The following COL24A1 variants were observed in gnomAD, a reference collection of about 807,000 sequenced individuals.
The protein encoded by COL24A1 is collagen alpha-1(XXIV) chain.
A neutral mutation model predicts 253.9 loss-of-function variants in COL24A1; 224 were observed. The ratio of observed to expected loss-of-function variants is 0.88; its 90% CI spans 0.79 to 0.99. The LOEUF is 0.99. COL24A1 is among the 50% of genes least tolerant of loss of function. The pLI is 0.00. For missense variants in COL24A1, 2,131 were observed against 2,068.5 expected (o/e 1.03, Z -0.59); for synonymous variants, 685 against 673.7 (o/e 1.02, Z -0.26).
intron 19 of COL24A1, among the ~76,000 whole-genome samples, chr1:85,997,077 A>ATATATATATATATATATATATATC (rs1694887579): frequency 7.6e-6 from 1 of 131,822 alleles, no homozygotes; most frequent in Non-Finnish European, 1.6e-5. Flanking sequence ...ATATATATAT[A>ATATATATATATATATATATATATC]TATACCAGTT....
intron 19 of COL24A1, among the ~76,000 whole-genome samples, chr1:86,012,617 A>G (rs948482849): frequency 3.6e-5 from 5 of 138,566 alleles, no homozygotes; most frequent in Admixed American, 7.1e-5. Context: ...GAAATAAAAA[A>G]TCATGTCCCT....
intron 24 of COL24A1, 101 bp downstream of exon 24, chr1:85,961,148 T>C: frequency 1.2e-6 from 1 of 868,826 alleles, no homozygotes; most frequent in Admixed American, 2.1e-5. Context: ...AGAATTATTC[T>C]GATTCCGAGT....
intron 55 of COL24A1, among the ~76,000 whole-genome samples, chr1:85,747,588 T>C (rs1263401717): frequency 6.6e-6 from 1 of 152,226 alleles, no homozygotes; most frequent in East Asian, 1.9e-4. Context: ...TTTTACACTT[T>C]TGTGCATTTC....
chr1:85,912,043 C>T (rs1685422100), intron 24 of COL24A1, among the ~76,000 whole-genome samples: 1 of 151,990 alleles, frequency 6.6e-6, no homozygotes, highest in Non-Finnish European at 1.5e-5. Flanking sequence ...ATAAAGGAAA[C>T]AATAATATTG....
intron 12 of COL24A1, among the ~76,000 whole-genome samples, chr1:86,040,158 G>T (rs1235489508): frequency 1.3e-5 from 2 of 151,992 alleles, no homozygotes; most frequent in African/African-American, 2.4e-5. Context: ...ACAACATCAT[G>T]TTCTGTCCCT....
chr1:86,019,435 G>T (rs992619193), intron 18 of COL24A1, among the ~76,000 whole-genome samples: 2 of 96,096 alleles, frequency 2.1e-5, no homozygotes, highest in Non-Finnish European at 4.5e-5. Context: ...TGGTGGACCT[G>T]CAGTCCTTGC....
At chr1:85,838,716 T>TC in intron 42 of COL24A1, 78 bp from the exon 43 acceptor site, 1 of 1,315,820 alleles carries the variant, frequency 7.6e-7, no homozygotes, top group Non-Finnish European at 1.1e-6. Context: ...AAGATTAGTG[T>TC]TGTTTATTCT....
At chr1:85,799,123 T>C (rs1401777583) in intron 47 of COL24A1, among the ~76,000 whole-genome samples, 13 of 151,824 alleles carry the variant, frequency 8.6e-5, no homozygotes, top group Admixed American at 8.5e-4. Context: ...TCCCCTGTAC[T>C]GTCCCTCAGT....
chr1:85,921,479 A>G (rs1686482691), intron 24 of COL24A1, among the ~76,000 whole-genome samples: 1 of 152,206 alleles, frequency 6.6e-6, no homozygotes. Flanking sequence ...AGGAAGGATC[A>G]GGCAAAAATA....
At chr1:85,969,925 C>G (rs1475035261) in intron 22 of COL24A1, among the ~76,000 whole-genome samples, 1 of 151,960 alleles carries the variant, frequency 6.6e-6, no homozygotes, top group Non-Finnish European at 1.5e-5. Context: ...CAGAATATTA[C>G]TAAAATGGCT....
chr1:85,969,491 G>T (rs1691911312), intron 22 of COL24A1, among the ~76,000 whole-genome samples: 1 of 150,622 alleles, frequency 6.6e-6, no homozygotes, highest in Non-Finnish European at 1.5e-5. Context: ...TGTAATTCTA[G>T]CTACTCGGGA....
At position 85,875,265 on chromosome 1, in the gene COL24A1, T is replaced by A. The variant is rs768588768; in HGVS notation, c.3084+12A>T. On this transcript the variant is annotated intron_variant, in intron 34 of 59. Transcript: ENST00000370571. ...AAGTTTAGAGATTCTCCTTTATTTT[T>A]TAGAAGGTTACCTTTGCACCTGGTT... 1 of 1,612,064 alleles carries A rather than the reference T, an allele frequency of 6.2e-7. No homozygotes were observed. Among genetic ancestry groups the A allele is most frequent in the Non-Finnish European group, 8.5e-7 (1 of 1,178,252 alleles).
At chr1:86,081,942 G>T (rs1285007674) in intron 7 of COL24A1, among the ~76,000 whole-genome samples, 5 of 152,004 alleles carry the variant, frequency 3.3e-5, no homozygotes, top group African/African-American at 1.2e-4. Context: ...TCAATGGTTT[G>T]CTCCTTTTAA....
At chr1:85,945,009 T>TG (rs1558752053) in intron 24 of COL24A1, among the ~76,000 whole-genome samples, 4 of 69,704 alleles carry the variant, frequency 5.7e-5, no homozygotes, top group East Asian at 1.1e-3. Flanking sequence ...TGTGTTTTTT[T>TG]TTTTTTTTTT....
At chr1:85,832,025 G>A (rs1675356303) in intron 43 of COL24A1, among the ~76,000 whole-genome samples, 1 of 151,980 alleles carries the variant, frequency 6.6e-6, no homozygotes, top group Non-Finnish European at 1.5e-5. Flanking sequence ...GAATGGTATT[G>A]CCTAGGTTTT....
At chr1:86,011,249 C>T (rs563227974) in intron 19 of COL24A1, among the ~76,000 whole-genome samples, 3 of 152,134 alleles carry the variant, frequency 2.0e-5, no homozygotes, top group Admixed American at 6.5e-5. Flanking sequence ...AGCTTAACCA[C>T]TGATTACACT....
At chr1:86,134,642 C>T (rs1207837237) in intron 2 of COL24A1, among the ~76,000 whole-genome samples, 17 of 149,056 alleles carry the variant, frequency 1.1e-4, no homozygotes, top group Non-Finnish European at 2.2e-4. Flanking sequence ...GTTCAGTTTC[C>T]ATGTAGTCGT....
At chr1:85,893,312 A>G (rs1459138231) in intron 31 of COL24A1, among the ~76,000 whole-genome samples, 1 of 152,124 alleles carries the variant, frequency 6.6e-6, no homozygotes, top group East Asian at 1.9e-4. Context: ...AAAAGGATCA[A>G]TTGATCAGGA....
intron 2 of COL24A1, among the ~76,000 whole-genome samples, chr1:86,135,173 T>C (rs6665538): frequency 0.97 from 146,902 of 151,908 alleles, 71,205 homozygotes; most frequent in South Asian, 1. Flanking sequence ...GATTGCAACC[T>C]CTGCCTTTTT....
Sources: gnomAD v4.1 joint callset for allele counts (sites outside exome capture counted in the v4.1 genomes callset) on GRCh38, gnomAD v4.1.1 for gene constraint, MANE v1.5 for transcripts, NCBI Gene and HGNC (gene_info 2026-07-23, HGNC 2026-07-21) for gene names.